The following PUDP variants were observed in gnomAD, a reference collection of about 807,000 sequenced individuals.
The protein encoded by PUDP is pseudouridine 5'-phosphatase.
In PUDP, 8 loss-of-function variants were observed where a neutral mutation model predicts 9.4. That is an observed-to-expected ratio of 0.85 (90% CI 0.50 to 1.53). The LOEUF (loss-of-function observed/expected upper bound fraction) is 1.53, where lower values mean the gene tolerates loss of function less well. Among genes scored for constraint, PUDP ranks in the 40% most tolerant of loss-of-function variants. The pLI, the probability that PUDP is intolerant of heterozygous loss-of-function variation, is 0.00. For missense variants in PUDP, 188 were observed against 189.7 expected (o/e 0.99, Z 0.05); for synonymous variants, 99 against 80.7 (o/e 1.23, Z -1.22).
intron 3 of PUDP, among the ~76,000 whole-genome samples, chrX:6,827,066 C>A (rs1225112594): frequency 8.9e-6 from 1 of 111,962 alleles, no homozygotes; most frequent in Non-Finnish European, 1.9e-5. Context: ...TCAGGGATGC[C>A]TAAGTGGCGA....
intron 3 of PUDP, among the ~76,000 whole-genome samples, chrX:6,832,549 G>A (rs1926518810): frequency 8.9e-6 from 1 of 111,967 alleles, no homozygotes; most frequent in Admixed American, 9.5e-5. Context: ...TTCCATTTGG[G>A]GTAAAGGAGA....
chrX:6,953,994 C>T (rs974048129), intron 3 of PUDP, among the ~76,000 whole-genome samples: 1 of 109,707 alleles, frequency 9.1e-6, no homozygotes, highest in African/African-American at 3.3e-5. Flanking sequence ...GGTTTTATAC[C>T]CACTTCCCTT....
intron 3 of PUDP, among the ~76,000 whole-genome samples, chrX:6,736,643 C>A (rs1924875788): frequency 8.9e-6 from 1 of 111,952 alleles, no homozygotes; most frequent in Admixed American, 9.5e-5. Context: ...AAGCATGGTT[C>A]ATATGCACCC....
intron 3 of PUDP, among the ~76,000 whole-genome samples, chrX:6,771,571 T>A (rs978741923): frequency 2.7e-5 from 3 of 112,315 alleles, no homozygotes; most frequent in African/African-American, 9.7e-5. Flanking sequence ...TTCCACATAA[T>A]AGATTCTCAG....
intron 3 of PUDP, among the ~76,000 whole-genome samples, chrX:6,748,324 T>C (rs1451550615): frequency 1.8e-5 from 2 of 112,020 alleles, no homozygotes; most frequent in Non-Finnish European, 3.8e-5. Flanking sequence ...ACCATAAAGA[T>C]TTAATACAAA....
At chrX:6,843,281 G>A (rs189972472) in intron 3 of PUDP, among the ~76,000 whole-genome samples, 18 of 111,546 alleles carry the variant, frequency 1.6e-4, no homozygotes, top group South Asian at 3.8e-4. Context: ...ATAATTCTGC[G>A]TCTCCTGAGC....
intron 3 of PUDP, among the ~76,000 whole-genome samples, chrX:6,954,169 G>T (rs776894271): frequency 9.0e-6 from 1 of 110,857 alleles, no homozygotes; most frequent in Admixed American, 9.7e-5. Flanking sequence ...ACCCAGTCTC[G>T]GTATGTCTTT....
intron 3 of PUDP, among the ~76,000 whole-genome samples, chrX:6,831,013 G>A (rs756938126): frequency 5.4e-5 from 6 of 111,358 alleles, no homozygotes; most frequent in African/African-American, 2.0e-4. Flanking sequence ...GGCTTTTATG[G>A]GTAATTTGGT....
At chrX:7,116,904 C>T in intron 1 of PUDP, 1 of 1,154,259 alleles carries the variant, frequency 8.7e-7, no homozygotes, top group Admixed American at 2.6e-5. Flanking sequence ...GTGCATGGTA[C>T]CTCCCCCCAA....
At chrX:7,089,411 C>T (rs1931359560) in intron 2 of PUDP, among the ~76,000 whole-genome samples, 2 of 111,166 alleles carry the variant, frequency 1.8e-5, no homozygotes, top group Admixed American at 1.9e-4. Context: ...TGCCTGATCA[C>T]CGGAGATCTG....
chrX:7,077,257 C>T lies in PUDP; in HGVS notation c.473G>A (p.Cys158Tyr), dbSNP rs1930937197. 1 of 1,202,327 alleles carries T rather than the reference C, an allele frequency of 8.3e-7. No individual in the cohort carries two copies. The change falls in exon 3 of 4, where the codon TGT becomes TAT. Residue 158 changes from cysteine to tyrosine, a missense_variant. Physicochemically the swap from Cys to Tyr is radical, Grantham distance 194. Coordinates refer to ENST00000381077, the MANE Select transcript of PUDP (RefSeq NM_012080.5). ...GKPDPDIFLA[C>Y]AKRFSPPPAM... ...AGGAGGGGGAGAGAACCTCTTGGCA[C>T]AAGCTAGGAAGATGTCCGGGTCTGG...
chrX:6,925,850 T>C (rs1928093619), intron 3 of PUDP, among the ~76,000 whole-genome samples: 1 of 111,798 alleles, frequency 8.9e-6, no homozygotes, highest in Admixed American at 9.5e-5. Flanking sequence ...GGATGTTTTC[T>C]GTTAAGATAA....
intron 3 of PUDP, among the ~76,000 whole-genome samples, chrX:6,938,746 C>T (rs1928351374): frequency 1.9e-5 from 2 of 107,475 alleles, no homozygotes; most frequent in African/African-American, 6.7e-5. Flanking sequence ...TAAGAACCAC[C>T]TGCCTAAAGC....
intron 1 of PUDP, among the ~76,000 whole-genome samples, chrX:7,010,112 G>C (rs754875700): frequency 1.8e-5 from 2 of 111,883 alleles, no homozygotes; most frequent in Non-Finnish European, 3.8e-5. Context: ...TCCTGGAATA[G>C]TCACTTAATA....
At chrX:6,963,436 C>T (rs1236001027) in intron 3 of PUDP, among the ~76,000 whole-genome samples, 1 of 111,222 alleles carries the variant, frequency 9.0e-6, no homozygotes, top group African/African-American at 3.3e-5. Flanking sequence ...TGGGATTGAG[C>T]CCTTAACCTG....
chrX:6,817,743 C>A (rs1360690282), intron 3 of PUDP, among the ~76,000 whole-genome samples: 1 of 111,278 alleles, frequency 9.0e-6, no homozygotes, highest in Non-Finnish European at 1.9e-5. Flanking sequence ...ATCATCTCTC[C>A]AGCAGGAAGC....
At chrX:6,983,943 C>G (rs1030837109) in intron 1 of PUDP, among the ~76,000 whole-genome samples, 1 of 112,403 alleles carries the variant, frequency 8.9e-6, no homozygotes, top group African/African-American at 3.2e-5. Flanking sequence ...CCCCTATGCT[C>G]GGGCCCACTC....
intron 1 of PUDP, among the ~76,000 whole-genome samples, chrX:6,711,745 A>G (rs1924534635): frequency 9.0e-6 from 1 of 111,687 alleles, no homozygotes; most frequent in African/African-American, 3.3e-5. Context: ...TTGTCTCCTT[A>G]GTAAATTCTG....
intron 3 of PUDP, among the ~76,000 whole-genome samples, chrX:6,728,385 C>T (rs770985439): frequency 5.1e-4 from 57 of 111,432 alleles, no homozygotes; most frequent in African/African-American, 1.7e-3. Flanking sequence ...CACACACACA[C>T]GCACACTGTT....
Sources: gnomAD v4.1 joint callset for allele counts (sites outside exome capture counted in the v4.1 genomes callset) on GRCh38, gnomAD v4.1.1 for gene constraint, MANE v1.5 for transcripts, NCBI Gene and HGNC (gene_info 2026-07-23, HGNC 2026-07-21) for gene names.